GAS2L3: variants seen among roughly 807,000 people sequenced by gnomAD.
The protein encoded by GAS2L3 is growth arrest specific 2 like 3, also known as GAS2-like protein 3.
In GAS2L3, 28 loss-of-function variants were observed where a neutral mutation model predicts 37.0. The ratio of observed to expected loss-of-function variants is 0.76; its 90% CI spans 0.56 to 1.04. The LOEUF (loss-of-function observed/expected upper bound fraction) is 1.04. Ranked by LOEUF, GAS2L3 falls within the 50% of genes least tolerant of loss-of-function variation. The pLI is 0.00. For synonymous variants in GAS2L3, 290 were observed against 296.6 expected, an observed-to-expected ratio of 0.98 and a Z score of 0.23; for missense variants, 793 against 817.6, an observed-to-expected ratio of 0.97 and a Z score of 0.37.
At chr12:100,594,237 C>T (rs1955882382) in intron 2 of GAS2L3, among the ~76,000 whole-genome samples, 1 of 151,880 alleles carries the variant, frequency 6.6e-6, no homozygotes, top group African/African-American at 2.4e-5. Context: ...GAAAGAATTG[C>T]ATTTACCTAA....
intron 8 of GAS2L3, among the ~76,000 whole-genome samples, chr12:100,620,600 A>T (rs1378121173): frequency 6.6e-6 from 1 of 152,046 alleles, no homozygotes; most frequent in Non-Finnish European, 1.5e-5. Context: ...CTAAAAAGAA[A>T]CATTTCTCTA....
intron 5 of GAS2L3, among the ~76,000 whole-genome samples, chr12:100,606,058 G>A (rs1956052790): frequency 6.6e-6 from 1 of 151,902 alleles, no homozygotes. Flanking sequence ...TTTCTGTCTG[G>A]AAGATCTGAC....
chr12:100,589,625 A>T (rs575858915), intron 1 of GAS2L3, among the ~76,000 whole-genome samples: 111 of 152,312 alleles, frequency 7.3e-4, no homozygotes, highest in Non-Finnish European at 1.5e-3. Flanking sequence ...AAGCAAGACT[A>T]ATCAAAAAAG....
At chr12:100,611,644 C>G (rs987231260) in intron 5 of GAS2L3, among the ~76,000 whole-genome samples, 2 of 152,024 alleles carry the variant, frequency 1.3e-5, no homozygotes, top group Non-Finnish European at 2.9e-5. Context: ...AGCACGCAAC[C>G]TAGATCTCTT....
chr12:100,581,778 T>C (rs1174160133), intron 1 of GAS2L3, among the ~76,000 whole-genome samples: 1 of 152,214 alleles, frequency 6.6e-6, no homozygotes, highest in Non-Finnish European at 1.5e-5. Context: ...TGAGAAACTA[T>C]AACATTATTT....
Position 100,625,889 on chromosome 12 carries a change from T to C in GAS2L3, c.*999T>C, listed in dbSNP as rs553296767. 6.6e-6 allele frequency: 1 copy of C among 152,348 alleles called. No individual in the cohort carries two copies. The highest frequency in any genetic ancestry group is 2.4e-5 in the African/African-American group (1 of 41,586). 9.4% of individuals were successfully genotyped at this position (152,348 alleles called of 1,614,324 possible). Reference sequence around the variant, plus strand: ...TCTCTAGATAGCACAATACCAATTTTAATTAATTTCTTCCAATTAGGTTAC... The same window carrying C: ...TCTCTAGATAGCACAATACCAATTTCAATTAATTTCTTCCAATTAGGTTAC... On this transcript the variant is annotated 3_prime_UTR_variant, in exon 10 of 10. Transcript: ENST00000547754.
At chr12:100,619,739 A>G (rs1202627217) in intron 8 of GAS2L3, among the ~76,000 whole-genome samples, 1 of 152,060 alleles carries the variant, frequency 6.6e-6, no homozygotes, top group Admixed American at 6.6e-5. Context: ...AGAATGATAA[A>G]TGAAAAGGAA....
intron 8 of GAS2L3, among the ~76,000 whole-genome samples, chr12:100,621,384 A>G (rs1176011901): frequency 2.6e-5 from 4 of 152,114 alleles, no homozygotes; most frequent in Non-Finnish European, 5.9e-5. Context: ...TTTTAAATAT[A>G]GAATTCTTAA....
intron 1 of GAS2L3, among the ~76,000 whole-genome samples, chr12:100,581,426 A>G (rs1955710496): frequency 6.6e-6 from 1 of 152,194 alleles, no homozygotes; most frequent in South Asian, 2.1e-4. Context: ...TGAGAAAAGG[A>G]CTGTGAAATC....
At chr12:100,588,047 A>G (rs1485021854) in intron 1 of GAS2L3, among the ~76,000 whole-genome samples, 2 of 152,052 alleles carry the variant, frequency 1.3e-5, no homozygotes, top group African/African-American at 4.8e-5. Flanking sequence ...GCGAGACTCC[A>G]TCTCAAAAAA....
chr12:100,595,713 A>G (rs763705310), intron 3 of GAS2L3, among the ~76,000 whole-genome samples: 2 of 152,070 alleles, frequency 1.3e-5, no homozygotes, highest in South Asian at 2.1e-4. Flanking sequence ...CTGGCAAGTT[A>G]TCTTACTTCT....
intron 1 of GAS2L3, among the ~76,000 whole-genome samples, chr12:100,590,719 A>G (rs181552669): frequency 5.9e-5 from 9 of 152,160 alleles, no homozygotes; most frequent in African/African-American, 2.2e-4. Flanking sequence ...CCCCCACCAT[A>G]TAGATAATAT....
At chr12:100,585,642 C>G (rs1955771778) in intron 1 of GAS2L3, among the ~76,000 whole-genome samples, 1 of 152,214 alleles carries the variant, frequency 6.6e-6, no homozygotes, top group Admixed American at 6.5e-5. Context: ...TCTGTCTCTG[C>G]TCAAATTCCC....
At chr12:100,584,618 G>C (rs1955755240) in intron 1 of GAS2L3, among the ~76,000 whole-genome samples, 1 of 151,268 alleles carries the variant, frequency 6.6e-6, no homozygotes, top group Non-Finnish European at 1.5e-5. Flanking sequence ...CTGTCACTCA[G>C]GCTGGAGTGC....
At chr12:100,623,324 A>T (rs1956282415) in intron 9 of GAS2L3, among the ~76,000 whole-genome samples, 1 of 152,198 alleles carries the variant, frequency 6.6e-6, no homozygotes. Context: ...GATGCAAGTT[A>T]TATGTAAATA....
At chr12:100,598,173 C>T (rs532574788) in intron 3 of GAS2L3, among the ~76,000 whole-genome samples, 13 of 152,146 alleles carry the variant, frequency 8.5e-5, no homozygotes, top group South Asian at 2.1e-4. Context: ...AATGCTGCTT[C>T]TGTACTACCA....
At chr12:100,606,240 A>G (rs912644277) in intron 5 of GAS2L3, among the ~76,000 whole-genome samples, 25 of 152,058 alleles carry the variant, frequency 1.6e-4, no homozygotes, top group African/African-American at 5.6e-4. Context: ...TCATTATACA[A>G]TGACCTTCTT....
At chr12:100,607,477 A>G (rs755086718) in intron 5 of GAS2L3, among the ~76,000 whole-genome samples, 12 of 152,074 alleles carry the variant, frequency 7.9e-5, no homozygotes, top group Non-Finnish European at 1.6e-4. Flanking sequence ...AGGTTTGGGA[A>G]GTTCTGTGAT....
chr12:100,594,293 C>T (rs1363073938), intron 2 of GAS2L3, among the ~76,000 whole-genome samples: 3 of 151,830 alleles, frequency 2.0e-5, no homozygotes, highest in Non-Finnish European at 2.9e-5. Context: ...TTCAAGAATA[C>T]TACTTTGGAG....
Sources: allele counts gnomAD v4.1 joint callset (sites outside exome capture counted in the v4.1 genomes callset), GRCh38; gene constraint gnomAD v4.1.1; transcripts MANE v1.5; gene names NCBI Gene and HGNC (gene_info 2026-07-23, HGNC 2026-07-21).